ABCC1: variants seen among roughly 807,000 people sequenced by gnomAD.
ABCC1 encodes the protein multidrug resistance-associated protein 1.
Under a neutral mutation model 172.9 loss-of-function variants are expected in ABCC1, and 83 were observed. The ratio of observed to expected loss-of-function variants is 0.48; its 90% CI spans 0.40 to 0.58. The LOEUF is 0.58. Among genes scored for constraint, ABCC1 ranks in the 20% least tolerant of loss-of-function variants. ABCC1 has a pLI of 0.00. For missense variants in ABCC1, 1,817 were observed against 2,002.7 expected (o/e 0.91, Z 1.77); for synonymous variants, 937 against 825.2 (o/e 1.14, Z -2.32).
In ABCC1 at chr16:16,052,759, G is replaced by A. The variant is rs1567352025; in HGVS notation, c.1416G>A (p.Val472=). 2.5e-6 allele frequency: 4 copies of A among 1,614,144 alleles called. No homozygotes were observed. In the South Asian group the frequency reaches 4.4e-5, roughly 18 times the overall value. ...CTTCCGTCCTGGCTGGAGTGGCGGT[G>A]ATGGTCCTCATGGTGCCCGTCAATG... ...LGPSVLAGVA[V]MVLMVPVNAV... is the part of the protein sequence containing the mutation. The change falls in exon 11 of 31, where the codon GTG becomes GTA. Residue 472 remains valine, a synonymous_variant. Coordinates refer to ENST00000399410, the MANE Select transcript of ABCC1 (RefSeq NM_004996.4).
At chr16:16,073,681 C>T (rs940587571) in intron 14 of ABCC1, among the ~76,000 whole-genome samples, 4 of 152,046 alleles carry the variant, frequency 2.6e-5, no homozygotes, top group Non-Finnish European at 5.9e-5. Flanking sequence ...TGGCTGAGCC[C>T]GGGAGTTCAA....
At chr16:16,046,205 G>C (rs1286633596) in intron 9 of ABCC1, among the ~76,000 whole-genome samples, 192 bp downstream of exon 9, 1 of 152,178 alleles carries the variant, frequency 6.6e-6, no homozygotes, top group African/African-American at 2.4e-5. Flanking sequence ...TGATTTCAAG[G>C]GTGGGCGTGT....
intron 21 of ABCC1, among the ~76,000 whole-genome samples, chr16:16,110,420 C>T (rs996015713): frequency 1.3e-5 from 2 of 151,964 alleles, no homozygotes; most frequent in South Asian, 4.1e-4. Context: ...GAGACAGTCT[C>T]ACTCTGTCAC....
chr16:16,034,588 T>C (rs2048682480), intron 6 of ABCC1, among the ~76,000 whole-genome samples: 1 of 140,850 alleles, frequency 7.1e-6, no homozygotes, highest in Non-Finnish European at 1.5e-5. Context: ...AACTTTTTTT[T>C]TTTTTTTTTT....
At position 16,131,904 on chromosome 16, in the gene ABCC1, A is replaced by G; in HGVS notation, c.3935A>G (p.His1312Arg). 1 of 1,614,042 alleles carries G rather than the reference A, an allele frequency of 6.2e-7. No homozygotes were observed. Among genetic ancestry groups the G allele is most frequent in the South Asian group, 1.1e-5 (1 of 91,058 alleles). The change falls in exon 27 of 31, where the codon CAC (histidine) becomes CGC (arginine). Residue 1312 changes from histidine (H) to arginine (R), a missense_variant. This residue lies in a region of ABCC1 where 1,412 missense variants were observed against 1,600.3 expected (regional missense o/e 0.88). Transcript: ENST00000399410. ...YREDLDFVLR[H>R]INVTINGGEK... ...GAGGACCTGGACTTCGTTCTCAGGC[A>G]CATCAATGTCACGATCAATGGGGGA...
At chr16:15,958,707 A>C (rs2046060762) in intron 1 of ABCC1, among the ~76,000 whole-genome samples, 1 of 152,174 alleles carries the variant, frequency 6.6e-6, no homozygotes, top group Admixed American at 6.6e-5. Context: ...CTTAGCAAGA[A>C]AACTGGGATA....
intron 3 of ABCC1, among the ~76,000 whole-genome samples, chr16:16,011,219 C>T (rs185513409): frequency 1.4e-5 from 2 of 146,472 alleles, no homozygotes; most frequent in Admixed American, 7.1e-5. Context: ...GGGGACAGAG[C>T]GAGACCTCAT....
chr16:15,999,838 C>CTTTCTTTCTTTCTTTCTT (rs2047219468), intron 1 of ABCC1, among the ~76,000 whole-genome samples: 1 of 37,748 alleles, frequency 2.6e-5, no homozygotes, highest in African/African-American at 5.8e-5. Context: ...CTCTCTGTCT[C>CTTTCTTTCTTTCTTTCTT]TTTCTTTCTT....
chr16:15,952,296 C>T (rs951560976), intron 1 of ABCC1, among the ~76,000 whole-genome samples: 1 of 152,124 alleles, frequency 6.6e-6, no homozygotes, highest in African/African-American at 2.4e-5. Flanking sequence ...TTTGGATTCC[C>T]CTTTTCTTCA....
At chr16:16,036,444 G>T in intron 6 of ABCC1, 28 bp from the exon 7 acceptor site, 1 of 1,603,394 alleles carries the variant, frequency 6.2e-7, no homozygotes, top group Non-Finnish European at 8.5e-7. Flanking sequence ...GACTCTCATT[G>T]CCTAACCCCC....
intron 3 of ABCC1, among the ~76,000 whole-genome samples, chr16:16,012,883 A>G (rs529457659): frequency 6.6e-6 from 1 of 151,886 alleles, no homozygotes; most frequent in South Asian, 2.1e-4. Context: ...GGGTTTCACC[A>G]TGTTGGCCAG....
chr16:16,053,223 CT>C (rs66690788), intron 11 of ABCC1, among the ~76,000 whole-genome samples: 8,355 of 152,108 alleles, frequency 0.055, 265 homozygotes, highest in Middle Eastern at 0.13. Flanking sequence ...TTACCCCCTA[CT>C]TTTTTCCCCC....
chr16:16,125,316 T>C (rs1034479968), intron 25 of ABCC1, among the ~76,000 whole-genome samples: 2 of 152,210 alleles, frequency 1.3e-5, no homozygotes, highest in African/African-American at 2.4e-5. Context: ...TTTGGAAATG[T>C]GTGTGCTTAG....
chr16:16,056,198 A>G lies in ABCC1; in HGVS notation c.1580A>G (p.Lys527Arg). 1.2e-6 allele frequency: 2 copies of G among 1,614,180 alleles called. No homozygotes were observed. The highest frequency in any genetic ancestry group is 1.7e-6 in the Non-Finnish European group (2 of 1,180,040). ...GCCTGGGAGCTGGCATTCAAGGACA[A>G]GGTGCTGGCCATCAGGCAGGAGGAG... ...LYAWELAFKD[K>R]VLAIRQEELK... The change falls in exon 12 of 31, where the codon AAG becomes AGG. Residue 527 changes from lysine (K) to arginine (R), a missense_variant. This residue lies in a region of ABCC1 where 1,412 missense variants were observed against 1,600.3 expected (regional missense o/e 0.88). Transcript: ENST00000399410.
chr16:16,132,066 G>C, intron 27 of ABCC1, 131 bp downstream of exon 27: 34 of 1,185,240 alleles, frequency 2.9e-5, no homozygotes, highest in Non-Finnish European at 3.6e-5. Context: ...GGCTTTTTGG[G>C]GGGCTGGGAG....
chr16:16,127,448 C>G (rs1056298861), intron 26 of ABCC1, among the ~76,000 whole-genome samples: 1 of 152,210 alleles, frequency 6.6e-6, no homozygotes, highest in African/African-American at 2.4e-5. Context: ...ATCTGCCTGC[C>G]TTGGCCTCCC....
intron 15 of ABCC1, among the ~76,000 whole-genome samples, chr16:16,077,576 A>G (rs986417393): frequency 6.6e-6 from 1 of 150,832 alleles, no homozygotes; most frequent in Non-Finnish European, 1.5e-5. Flanking sequence ...GGACAGTGGC[A>G]GGTATTGTCT....
intron 1 of ABCC1, among the ~76,000 whole-genome samples, chr16:15,995,703 T>C (rs1426048852): frequency 1.3e-5 from 2 of 152,202 alleles, no homozygotes; most frequent in African/African-American, 2.4e-5. Flanking sequence ...GGTCTCAGTC[T>C]TTCACCTAGG....
At chr16:16,024,433 C>T (rs1331870343) in intron 5 of ABCC1, among the ~76,000 whole-genome samples, 1 of 152,048 alleles carries the variant, frequency 6.6e-6, no homozygotes, top group Non-Finnish European at 1.5e-5. Context: ...CTCACCGTGC[C>T]CTCCACCTCC....
Sources: allele counts gnomAD v4.1 joint callset (sites outside exome capture counted in the v4.1 genomes callset), GRCh38; gene constraint gnomAD v4.1.1; regional missense constraint gnomAD v4.1.1; transcripts MANE v1.5; gene names NCBI Gene and HGNC (gene_info 2026-07-23, HGNC 2026-07-21).